The following CNTNAP3 variants were observed in gnomAD, a reference collection of about 807,000 sequenced individuals.
CNTNAP3 encodes the protein contactin-associated protein-like 3.
CNTNAP3 carries 36 observed loss-of-function variants against 92.1 expected under a neutral mutation model. The observed-to-expected ratio is 0.39, with a 90% confidence interval of 0.30 to 0.52. CNTNAP3 has a LOEUF of 0.52. Ranked by LOEUF, CNTNAP3 falls within the 20% of genes least tolerant of loss-of-function variation. The pLI is 0.76. For missense variants in CNTNAP3, 534 were observed against 1,069.6 expected (o/e 0.50, Z 6.98); for synonymous variants, 232 against 422.3 (o/e 0.55, Z 5.53).
At chr9:39,124,578 T>C (rs1821112031) in intron 13 of CNTNAP3, among the ~76,000 whole-genome samples, 1 of 152,140 alleles carries the variant, frequency 6.6e-6, no homozygotes, top group South Asian at 2.1e-4. Context: ...ACAGGCAACC[T>C]ATAGAATGGG....
At chr9:39,079,196 T>C (rs1210492333) in intron 21 of CNTNAP3, among the ~76,000 whole-genome samples, 2 of 152,130 alleles carry the variant, frequency 1.3e-5, no homozygotes, top group African/African-American at 4.8e-5. Context: ...AGGAAAGCGG[T>C]TACATGGCAT....
intron 12 of CNTNAP3, among the ~76,000 whole-genome samples, chr9:39,133,422 T>C (rs1238804195): frequency 6.6e-6 from 1 of 151,942 alleles, no homozygotes; most frequent in African/African-American, 2.4e-5. Context: ...TTTTTTTATA[T>C]CAACACAAGC....
At chr9:39,121,918 C>G (rs985455905) in intron 13 of CNTNAP3, among the ~76,000 whole-genome samples, 13 of 152,084 alleles carry the variant, frequency 8.5e-5, no homozygotes, top group African/African-American at 3.1e-4. Context: ...CCTAAACCAC[C>G]TAGGGGAATG....
In CNTNAP3 at chr9:39,103,753, C is replaced by G; in HGVS notation, c.2527G>C (p.Glu843Gln). Residue 843 changes from glutamate (E) to glutamine (Q), a missense_variant, in exon 16 of 24, where the codon GAG becomes CAG. By Grantham distance (29) the Glu-to-Gln change is conservative. Transcript: ENST00000297668. Reference sequence around the variant, plus strand: ...AGAGTGGCGAGCTTACCACGCAGCTCAATCCTGATGAAATCTGTGATCCCC... The same window carrying G: ...AGAGTGGCGAGCTTACCACGCAGCTGAATCCTGATGAAATCTGTGATCCCC... ...NLGITDFIRI[E>Q]LRAPTEVTFS... 6.2e-7 allele frequency: 1 copy of G among 1,610,810 alleles called. No homozygotes were observed.
chr9:39,100,156 A>T lies in CNTNAP3; in HGVS notation c.2756-6T>A. 1 of 1,572,824 alleles carries T rather than the reference A, an allele frequency of 6.4e-7. No individual in the cohort carries two copies. The highest frequency in any genetic ancestry group is 8.6e-7 in the Non-Finnish European group (1 of 1,156,192). ...CTGTCTGGTGGCCGTTCCACCTACA[A>T]CGGAAACACTGCAAATAGAAATGTG... is the stretch of plus-strand genomic sequence containing the variant. On this transcript the variant is annotated splice_region_variant and splice_polypyrimidine_tract_variant and intron_variant, in intron 17 of 23. Transcript: ENST00000297668.
At position 39,086,762 on chromosome 9, in the gene CNTNAP3, A is replaced by C. The variant is rs1826071534; in HGVS notation, c.3308T>G (p.Leu1103Arg). ...FDFKNMADGQ[L>R]HQVKINREEA... is the part of the protein sequence containing the mutation. ...TTCTCTGTTAATCTTCACTTGGTGA[A>C]GTTGCCCATCAGCCATGTTTTTAAA... Residue 1103 changes from leucine to arginine, a missense_variant, in exon 20 of 24, where the codon CTT (leucine) becomes CGT (arginine). Coordinates refer to ENST00000297668, the MANE Select transcript of CNTNAP3 (RefSeq NM_033655.5). 1 of 1,611,162 alleles carries C rather than the reference A, an allele frequency of 6.2e-7. No homozygotes were observed. Among genetic ancestry groups the C allele is most frequent in the Non-Finnish European group, 8.5e-7 (1 of 1,179,656 alleles).
At chr9:39,076,303 G>A (rs1243379453) in intron 23 of CNTNAP3, among the ~76,000 whole-genome samples, 2 of 152,294 alleles carry the variant, frequency 1.3e-5, no homozygotes, top group Admixed American at 6.5e-5. Context: ...GAAAATGTTC[G>A]GCATGTTGAA....
At chr9:39,102,824 G>A (rs1298680297) in intron 16 of CNTNAP3, 109 bp from the exon 17 acceptor site, 8 of 1,318,030 alleles carry the variant, frequency 6.1e-6, no homozygotes, top group Non-Finnish European at 7.4e-6. Context: ...AGATAATGAC[G>A]GCGATGCAGA....
rs1826729126 is a variant in CNTNAP3 at position 39,110,845 on chromosome 9, T to C, written c.2238-1558A>G. ...ATCACATATATGTCTCAACTGCATG[T>C]ACATTCTGATTTACAGACAAAACAC... On this transcript the variant is annotated intron_variant, in intron 14 of 23. Coordinates refer to ENST00000297668, the MANE Select transcript of CNTNAP3 (RefSeq NM_033655.5). Among the ~76,000 whole-genome samples, 3 of 152,208 alleles carry C rather than the reference T, an allele frequency of 2.0e-5. No homozygotes were observed. In the South Asian group the frequency reaches 6.2e-4, roughly 31 times the overall value.
At chr9:39,131,773 A>C (rs1266234942) in intron 13 of CNTNAP3, among the ~76,000 whole-genome samples, 1 of 151,830 alleles carries the variant, frequency 6.6e-6, no homozygotes, top group Admixed American at 6.6e-5. Flanking sequence ...GGTTGCAGTG[A>C]GCAAAGATCG....
intron 13 of CNTNAP3, among the ~76,000 whole-genome samples, chr9:39,118,752 G>C (rs1328919923): frequency 6.6e-6 from 1 of 152,218 alleles, no homozygotes; most frequent in Non-Finnish European, 1.5e-5. Flanking sequence ...ATTTTTGGAG[G>C]TATTTGTTTT....
rs1219442074 is a variant in CNTNAP3, at chr9:39,072,329, C to T, written c.*1561G>A. ...CTTGCCCTGATGTGGAAGAAATATA[C>T]CATCTCATTAGTCCTTGGTAGGCAG... On this transcript the variant is annotated 3_prime_UTR_variant, in exon 24 of 24. Coordinates refer to ENST00000297668, the MANE Select transcript of CNTNAP3 (RefSeq NM_033655.5). Among the ~76,000 whole-genome samples the T allele has an allele frequency of 1.7e-4, 24 of 143,600 alleles. No individual in the cohort carries two copies. Among genetic ancestry groups the T allele is most frequent in the East Asian group, 4.2e-4 (2 of 4,764 alleles). 94.2% of individuals were successfully genotyped at this position (143,600 alleles called of 152,430 possible).
At chr9:39,092,480 AT>A (rs1826227934) in intron 18 of CNTNAP3, among the ~76,000 whole-genome samples, 1 of 134,174 alleles carries the variant, frequency 7.5e-6, no homozygotes, top group African/African-American at 2.7e-5. Flanking sequence ...ACCTTTTCTA[AT>A]TTCCCTTTTG....
intron 14 of CNTNAP3, among the ~76,000 whole-genome samples, chr9:39,110,786 A>T (rs1209103275): frequency 6.6e-6 from 1 of 152,192 alleles, no homozygotes; most frequent in African/African-American, 2.4e-5. Context: ...TATATAACAA[A>T]ATGCTTATAT....
chr9:39,087,708 G>C (rs578091500), intron 19 of CNTNAP3, among the ~76,000 whole-genome samples: 5 of 152,064 alleles, frequency 3.3e-5, no homozygotes, highest in East Asian at 3.9e-4. Context: ...GGATGGTCTC[G>C]ATTTCCTGAC....
chr9:39,079,900 G>C (rs557997500), intron 21 of CNTNAP3, among the ~76,000 whole-genome samples: 54 of 108,080 alleles, frequency 5.0e-4, no homozygotes, highest in Middle Eastern at 7.6e-3. Context: ...ACACCACCGC[G>C]GGGTTCCCCA....
At chr9:39,076,467 T>C (rs1825766434) in intron 23 of CNTNAP3, among the ~76,000 whole-genome samples, 1 of 152,308 alleles carries the variant, frequency 6.6e-6, no homozygotes, top group African/African-American at 2.4e-5. Flanking sequence ...TTTTTGTTCA[T>C]CAGGTCATGT....
Position 39,099,913 on chromosome 9 carries a change from T to C in CNTNAP3, c.2993A>G (p.Asn998Ser), listed in dbSNP as rs140852927. The part of the protein sequence containing the change: ...FSAYDGPFCS[N>S]EISAYFATGS... ...ACCTGCTCCTTGGTCACACTTACCA[T>C]TGGAGCAGAACGGCCCATCATAGGC... is the stretch of plus-strand genomic sequence containing the variant. Residue 998 changes from asparagine (N) to serine (S), a missense_variant and splice_region_variant, in exon 18 of 24, where the codon AAT (asparagine) becomes AGT (serine). Coordinates refer to ENST00000297668, the MANE Select transcript of CNTNAP3 (RefSeq NM_033655.5). The C allele has an allele frequency of 4.2e-5, 68 of 1,611,260 alleles. 1 individual carries two copies. The highest frequency in any genetic ancestry group is 2.0e-4 in the African/African-American group (15 of 74,968).
At chr9:39,110,762 A>G (rs1308067453) in intron 14 of CNTNAP3, among the ~76,000 whole-genome samples, 2 of 152,154 alleles carry the variant, frequency 1.3e-5, no homozygotes, top group African/African-American at 4.8e-5. Flanking sequence ...AATAATAAAT[A>G]TTGCATATAT....
Sources: gnomAD v4.1 joint callset for allele counts (sites outside exome capture counted in the v4.1 genomes callset) on GRCh38, gnomAD v4.1.1 for gene constraint, MANE v1.5 for transcripts, NCBI Gene and HGNC (gene_info 2026-07-23, HGNC 2026-07-21) for gene names.